The following LRMDA variants were observed in gnomAD, a reference collection of about 807,000 sequenced individuals.
The protein encoded by LRMDA is leucine-rich melanocyte differentiation-associated protein.
A neutral mutation model predicts 29.8 loss-of-function variants in LRMDA; 18 were observed. The ratio of observed to expected loss-of-function variants is 0.60; its 90% CI spans 0.42 to 0.90. LRMDA has a LOEUF of 0.90. Ranked by LOEUF, LRMDA falls within the 40% of genes least tolerant of loss-of-function variation. The probability of loss-of-function intolerance (pLI) is 0.00; values close to 1 mark genes in which losing one functional copy is unlikely to be tolerated. For missense variants in LRMDA, 273 were observed against 273.9 expected, an observed-to-expected ratio of 1.00 and a Z score of 0.02; for synonymous variants, 125 against 109.4, an observed-to-expected ratio of 1.14 and a Z score of -0.89.
chr10:76,203,474 T>G (rs566197629), intron 5 of LRMDA, among the ~76,000 whole-genome samples: 1 of 152,356 alleles, frequency 6.6e-6, no homozygotes, highest in African/African-American at 2.4e-5. Flanking sequence ...CAGGTCAGAC[T>G]ATAATTTGGA....
rs118164739 is a variant in LRMDA, at chr10:76,407,787, T to C, written c.601+83302T>C. Among the ~76,000 whole-genome samples the C allele has an allele frequency of 8.4e-3, 1,281 of 152,312 alleles. 12 individuals carry two copies. Among genetic ancestry groups the C allele is most frequent in the Non-Finnish European group, 9.7e-3 (660 of 68,028 alleles). On this transcript the variant is annotated intron_variant, in intron 6 of 6. Coordinates refer to ENST00000611255, the MANE Select transcript of LRMDA (RefSeq NM_001305581.2). ...AACTCAATAAATGACTTCATATAGG[T>C]AGGGCAATTTCTTCATTTAACTACA...
At chr10:75,613,395 G>A (rs569901266) in intron 2 of LRMDA, among the ~76,000 whole-genome samples, 5 of 152,150 alleles carry the variant, frequency 3.3e-5, no homozygotes, top group Admixed American at 1.3e-4. Context: ...CCTAAGAAAC[G>A]GAGAGGATGG....
intron 6 of LRMDA, among the ~76,000 whole-genome samples, chr10:76,477,480 G>C (rs982759736): frequency 2.6e-5 from 4 of 151,820 alleles, no homozygotes; most frequent in African/African-American, 9.7e-5. Context: ...TACTGCCCAA[G>C]GTAATTTATA....
intron 2 of LRMDA, among the ~76,000 whole-genome samples, chr10:75,504,065 G>A (rs548359933): frequency 5.7e-4 from 85 of 150,308 alleles, no homozygotes; most frequent in Middle Eastern, 3.4e-3. Flanking sequence ...TCAGGCTCTG[G>A]AGTGCAGTGG....
intron 2 of LRMDA, among the ~76,000 whole-genome samples, chr10:75,591,085 GAC>G (rs997678360): frequency 6.6e-6 from 1 of 152,060 alleles, no homozygotes; most frequent in African/African-American, 2.4e-5. Context: ...TTTCTTAAAA[GAC>G]AATCTGGAGC....
At chr10:76,276,627 T>C (rs1317297130) in intron 5 of LRMDA, among the ~76,000 whole-genome samples, 5 of 152,180 alleles carry the variant, frequency 3.3e-5, no homozygotes, top group South Asian at 2.1e-4. Context: ...AATTCCAACA[T>C]CTGAGCCATA....
At chr10:76,463,655 G>C (rs1842534728) in intron 6 of LRMDA, among the ~76,000 whole-genome samples, 1 of 152,150 alleles carries the variant, frequency 6.6e-6, no homozygotes. Flanking sequence ...CAGGGGAGGG[G>C]GGAAGGGCTT....
At chr10:75,768,154 A>G (rs1210151823) in intron 2 of LRMDA, among the ~76,000 whole-genome samples, 1 of 152,202 alleles carries the variant, frequency 6.6e-6, no homozygotes, top group Admixed American at 6.5e-5. Flanking sequence ...CATTTGTTGT[A>G]ACAGCCATGG....
intron 6 of LRMDA, among the ~76,000 whole-genome samples, chr10:76,434,948 G>A (rs1398308353): frequency 6.6e-6 from 1 of 152,132 alleles, no homozygotes; most frequent in Non-Finnish European, 1.5e-5. Context: ...TAGGAGTTGG[G>A]TTTACAGAGG....
At chr10:75,670,862 C>T (rs1485349201) in intron 2 of LRMDA, among the ~76,000 whole-genome samples, 1 of 152,166 alleles carries the variant, frequency 6.6e-6, no homozygotes, top group African/African-American at 2.4e-5. Context: ...ACTCTGCGGA[C>T]TCATGCCTCT....
chr10:76,138,087 A>G (rs1382081448), intron 5 of LRMDA, among the ~76,000 whole-genome samples: 1 of 152,218 alleles, frequency 6.6e-6, no homozygotes, highest in African/African-American at 2.4e-5. Context: ...AACCTGGACA[A>G]CTTTAATTGG....
rs1044976136 is a variant in LRMDA, at chr10:75,782,745, A to T, written c.132-253263A>T. On this transcript the variant is annotated intron_variant, in intron 2 of 6. Coordinates refer to ENST00000611255, the MANE Select transcript of LRMDA (RefSeq NM_001305581.2). ...GAGACCGGGGCGAAACTGCAAGCAG[A>T]TGCCCTTTGCTGACTGTTGAAGAAA... is the stretch of plus-strand genomic sequence containing the variant. 2.2e-6 allele frequency: 3 copies of T among 1,359,210 alleles called. No homozygotes were observed. The African/African-American group carries it at 4.4e-5, about 20-fold the overall frequency. 84.2% of individuals were successfully genotyped at this position (1,359,210 alleles called of 1,614,324 possible). A position where few individuals can be genotyped will look rare whatever the true frequency, so the allele number is the denominator to read the frequency against.
chr10:75,714,863 C>CCTTCCTTCCTTCCTTCCTTCCTTCCTTCT (rs1842480839), intron 2 of LRMDA, among the ~76,000 whole-genome samples: 1 of 138,600 alleles, frequency 7.2e-6, no homozygotes, highest in African/African-American at 2.8e-5. Flanking sequence ...CCCTCCCTTC[C>CCTTCCTTCCTTCCTTCCTTCCTTCCTTCT]TTCCTTCCTT....
At chr10:75,570,693 A>C (rs540981838) in intron 2 of LRMDA, among the ~76,000 whole-genome samples, 1 of 152,304 alleles carries the variant, frequency 6.6e-6, no homozygotes, top group African/African-American at 2.4e-5. Flanking sequence ...TGCTGAATTA[A>C]TGTATACGCT....
intron 2 of LRMDA, among the ~76,000 whole-genome samples, chr10:75,774,268 C>G (rs2132237251): frequency 6.6e-6 from 1 of 152,168 alleles, no homozygotes; most frequent in Non-Finnish European, 1.5e-5. Flanking sequence ...GTTCTTACAT[C>G]CTTTTTGTTT....
intron 5 of LRMDA, among the ~76,000 whole-genome samples, chr10:76,161,821 T>G (rs1240641498): frequency 6.6e-6 from 1 of 152,208 alleles, no homozygotes; most frequent in Non-Finnish European, 1.5e-5. Flanking sequence ...GTTGTTTTGC[T>G]GATTCTACTC....
intron 5 of LRMDA, among the ~76,000 whole-genome samples, chr10:76,194,999 G>A (rs2132225972): frequency 6.6e-6 from 1 of 152,212 alleles, no homozygotes; most frequent in South Asian, 2.1e-4. Flanking sequence ...TGTGTTTCCT[G>A]GGATGCTCTT....
intron 2 of LRMDA, chr10:75,743,634 C>A (rs1842857066): frequency 6.6e-6 from 1 of 152,162 alleles, no homozygotes; most frequent in Admixed American, 6.5e-5. Context: ...CATTTTTCTC[C>A]TCTCTCTTTC....
chr10:76,053,938 C>T (rs754242853), intron 4 of LRMDA, among the ~76,000 whole-genome samples: 1 of 152,182 alleles, frequency 6.6e-6, no homozygotes, highest in Non-Finnish European at 1.5e-5. Flanking sequence ...GAATCAGAAA[C>T]TCTGGGGATG....
Sources: allele counts gnomAD v4.1 joint callset (sites outside exome capture counted in the v4.1 genomes callset), GRCh38; gene constraint gnomAD v4.1.1; transcripts MANE v1.5; gene names NCBI Gene and HGNC (gene_info 2026-07-23, HGNC 2026-07-21).